Variants in ZBTB46 observed in about 807,000 individuals in gnomAD.
ZBTB46 encodes the protein zinc finger and BTB domain containing 46, also known as zinc finger and BTB domain-containing protein 46.
In ZBTB46, 8 loss-of-function variants were observed where a neutral mutation model predicts 44.1. That is an observed-to-expected ratio of 0.18 (90% CI 0.11 to 0.33). The LOEUF is 0.33. Among genes scored for constraint, ZBTB46 ranks in the 10% least tolerant of loss-of-function variants. The pLI is 1.00. For missense variants in ZBTB46, 651 were observed against 847.7 expected (o/e 0.77, Z 2.88); for synonymous variants, 409 against 382.3 (o/e 1.07, Z -0.81).
At chr20:63,813,945 G>C (rs892665685) in intron 1 of ZBTB46, among the ~76,000 whole-genome samples, 1 of 152,130 alleles carries the variant, frequency 6.6e-6, no homozygotes, top group Non-Finnish European at 1.5e-5. Flanking sequence ...AGAAAAAACA[G>C]TGGGAAGGGC....
chr20:63,781,861 A>G (rs1212007626), intron 2 of ZBTB46, among the ~76,000 whole-genome samples: 1 of 151,910 alleles, frequency 6.6e-6, no homozygotes, highest in Non-Finnish European at 1.5e-5. Context: ...TGAGGTGGGC[A>G]GATCACAAGG....
intron 1 of ZBTB46, among the ~76,000 whole-genome samples, chr20:63,801,704 T>G (rs1373252665): frequency 6.6e-6 from 1 of 152,156 alleles, no homozygotes; most frequent in African/African-American, 2.4e-5. Flanking sequence ...CAAACACGTC[T>G]GAACATCAGA....
intron 2 of ZBTB46, among the ~76,000 whole-genome samples, chr20:63,781,970 T>C (rs6122031): frequency 0.55 from 81,844 of 149,790 alleles, 22,389 homozygotes; most frequent in South Asian, 0.62. Flanking sequence ...GCCTGTAGTC[T>C]CAGCTACTCA....
At chr20:63,811,079 C>T (rs1408321179) in intron 1 of ZBTB46, among the ~76,000 whole-genome samples, 2 of 152,212 alleles carry the variant, frequency 1.3e-5, no homozygotes, top group African/African-American at 4.8e-5. Flanking sequence ...GAAGAGTCTG[C>T]CTCTCTGGGT....
At chr20:63,801,108 T>C (rs562332815) in intron 1 of ZBTB46, among the ~76,000 whole-genome samples, 1 of 152,346 alleles carries the variant, frequency 6.6e-6, no homozygotes, top group Non-Finnish European at 1.5e-5. Flanking sequence ...CAGTACCCTG[T>C]GTCTAGCTCA....
intron 3 of ZBTB46, among the ~76,000 whole-genome samples, chr20:63,768,532 C>T (rs904973323): frequency 2.0e-5 from 3 of 151,926 alleles, no homozygotes; most frequent in Non-Finnish European, 4.4e-5. Flanking sequence ...TCTTGAACCC[C>T]GAAGGTGGAG....
intron 3 of ZBTB46, among the ~76,000 whole-genome samples, chr20:63,763,968 TTTTC>T (rs912006132): frequency 1.3e-5 from 2 of 152,102 alleles, no homozygotes; most frequent in Non-Finnish European, 2.9e-5. Flanking sequence ...TCTTTTTTCT[TTTTC>T]TTTTTTTTTT....
At position 63,787,817 on chromosome 20, in the gene ZBTB46, ATCGAGCTGTGTTC is replaced by A. The variant is rs1190200045; in HGVS notation, c.937+1991_937+2003del. Reference sequence around the variant, plus strand: ...CCACAATGATAAAAGTTAACGTATTATCGAGCTGTGTTCACTCCCGGCTCTCGCAGATCTCTCA... The same window carrying A: ...CCACAATGATAAAAGTTAACGTATTAACTCCCGGCTCTCGCAGATCTCTCA... On this transcript the variant is annotated intron_variant, in intron 2 of 4. Coordinates refer to ENST00000245663, the MANE Select transcript of ZBTB46 (RefSeq NM_001369741.1). This position sits in a 1 kb window ranked among gnomAD's most constrained non-coding sequence, Gnocchi z 4.6. 6.6e-6 allele frequency: 1 copy of A among 152,290 alleles called. No homozygotes were observed. The highest frequency in any genetic ancestry group is 1.5e-5 in the Non-Finnish European group (1 of 68,058). 9.4% of individuals were successfully genotyped at this position (152,290 alleles called of 1,614,324 possible).
chr20:63,796,916 TC>T (rs1329576510), intron 1 of ZBTB46, among the ~76,000 whole-genome samples: 12 of 152,210 alleles, frequency 7.9e-5, no homozygotes, highest in Non-Finnish European at 1.3e-4. Flanking sequence ...AGGCCTATAA[TC>T]CCAACACTTT....
chr20:63,794,019 T>C (rs1238753650), intron 1 of ZBTB46, among the ~76,000 whole-genome samples: 3 of 151,968 alleles, frequency 2.0e-5, no homozygotes, highest in African/African-American at 7.2e-5. Context: ...ACCCCGTCTC[T>C]ACTAAAAATA....
chr20:63,755,647 C>T (rs550123076), intron 3 of ZBTB46, among the ~76,000 whole-genome samples: 1 of 152,314 alleles, frequency 6.6e-6, no homozygotes, highest in African/African-American at 2.4e-5. Context: ...ATTTGACTGA[C>T]AGTACTGTGA....
At position 63,752,685 on chromosome 20, in the gene ZBTB46, C is replaced by A. The variant is rs1359525410; in HGVS notation, c.1398+1G>T. The A allele has an allele frequency of 6.3e-7, 1 of 1,576,432 alleles. No individual in the cohort carries two copies. The highest frequency in any genetic ancestry group is 8.6e-7 in the Non-Finnish European group (1 of 1,162,314). On this transcript the variant is annotated splice_donor_variant, in intron 4 of 4. Coordinates refer to ENST00000245663, the MANE Select transcript of ZBTB46 (RefSeq NM_001369741.1). LOFTEE classifies it high-confidence loss of function. This position sits in a 1 kb window ranked among gnomAD's most constrained non-coding sequence, Gnocchi z 5.6. ...GGCACGCGGACCCTCCCCGCACTCA[C>A]CAGCGTGTGGCGCTTCATGTGCTCG... is the stretch of plus-strand genomic sequence containing the variant.
intron 3 of ZBTB46, 68 bp downstream of exon 3, chr20:63,775,610 C>T (rs2092418421): frequency 1.3e-6 from 2 of 1,504,172 alleles, no homozygotes; most frequent in Admixed American, 2.2e-5. Flanking sequence ...TCATCTTGGC[C>T]CGGGACCTGC....
intron 1 of ZBTB46, among the ~76,000 whole-genome samples, chr20:63,829,270 G>C (rs777423144): frequency 1.3e-5 from 2 of 152,194 alleles, no homozygotes; most frequent in Non-Finnish European, 2.9e-5. Flanking sequence ...ACTCAGGTCT[G>C]AGCACAGAAC....
Position 63,770,126 on chromosome 20 carries a change from G to C in ZBTB46, c.1222+5552C>G, listed in dbSNP as rs535244204. On this transcript the variant is annotated intron_variant, in intron 3 of 4. Coordinates refer to ENST00000245663, the MANE Select transcript of ZBTB46 (RefSeq NM_001369741.1). ...GCCGCGTCCCACATTTCCGGGCACG[G>C]CTGATGCGGGGCTTACAGTCTCCTG... Among the ~76,000 whole-genome samples, 111 of 152,362 alleles carry C rather than the reference G, an allele frequency of 7.3e-4. 1 individual carries two copies. In the Middle Eastern group the frequency reaches 0.02, roughly 28 times the overall value.
chr20:63,774,276 T>C (rs2092401970), intron 3 of ZBTB46, among the ~76,000 whole-genome samples: 1 of 152,162 alleles, frequency 6.6e-6, no homozygotes, highest in South Asian at 2.1e-4. Flanking sequence ...CCACAAACAG[T>C]TGGCATCAGT....
At chr20:63,800,840 C>T (rs1187220580) in intron 1 of ZBTB46, among the ~76,000 whole-genome samples, 1 of 152,222 alleles carries the variant, frequency 6.6e-6, no homozygotes, top group Admixed American at 6.5e-5. Context: ...TGGGCTCCTG[C>T]AGAGCTTCCC....
At chr20:63,789,226 C>T (rs755911072) in intron 2 of ZBTB46, among the ~76,000 whole-genome samples, 7 of 152,138 alleles carry the variant, frequency 4.6e-5, no homozygotes, top group South Asian at 2.1e-4. Flanking sequence ...ATCCACTTGC[C>T]GGGAAAGGCT....
chr20:63,793,689 G>A (rs2092578980), intron 1 of ZBTB46, among the ~76,000 whole-genome samples: 1 of 152,026 alleles, frequency 6.6e-6, no homozygotes, highest in South Asian at 2.1e-4. Context: ...CCTCACAACG[G>A]TCCACACCTC....
Sources: allele counts gnomAD v4.1 joint callset (sites outside exome capture counted in the v4.1 genomes callset), GRCh38; gene constraint gnomAD v4.1.1; non-coding constraint Gnocchi (gnomAD v3.1); transcripts MANE v1.5; gene names NCBI Gene and HGNC (gene_info 2026-07-23, HGNC 2026-07-21).